Variants in TMC2 observed in about 807,000 individuals in gnomAD.
TMC2 encodes the protein transmembrane channel-like protein 2.
In TMC2, 102 loss-of-function variants were observed where a neutral mutation model predicts 105.9. The ratio of observed to expected loss-of-function variants is 0.96; its 90% CI spans 0.82 to 1.14. The LOEUF (loss-of-function observed/expected upper bound fraction) is 1.14, where lower values mean the gene tolerates loss of function less well. Among genes scored for constraint, TMC2 ranks in the 50% most tolerant of loss-of-function variants. The probability of loss-of-function intolerance (pLI) is 0.00; values close to 1 mark genes in which losing one functional copy is unlikely to be tolerated. For missense variants in TMC2, 1,093 were observed against 1,134.3 expected, an observed-to-expected ratio of 0.96 and a Z score of 0.52; for synonymous variants, 402 against 422.8, an observed-to-expected ratio of 0.95 and a Z score of 0.60.
intron 17 of TMC2, among the ~76,000 whole-genome samples, chr20:2,625,624 A>G (rs1019032900): frequency 6.6e-6 from 1 of 152,210 alleles, no homozygotes; most frequent in African/African-American, 2.4e-5. Flanking sequence ...TGAATAAGCC[A>G]CAGTTTATCC....
chr20:2,573,991 T>C (rs2086124496), intron 5 of TMC2, among the ~76,000 whole-genome samples: 1 of 152,220 alleles, frequency 6.6e-6, no homozygotes, highest in African/African-American at 2.4e-5. Context: ...CATCAATTGA[T>C]AATGGTGATC....
At chr20:2,565,726 G>A (rs887885051) in intron 4 of TMC2, among the ~76,000 whole-genome samples, 2 of 152,156 alleles carry the variant, frequency 1.3e-5, no homozygotes, top group Non-Finnish European at 2.9e-5. Context: ...CCTGAGCATG[G>A]TTACTGTAGA....
chr20:2,627,938 T>C (rs761485), intron 17 of TMC2, among the ~76,000 whole-genome samples: 120,388 of 152,050 alleles, frequency 0.79, 47,847 homozygotes, highest in East Asian at 0.87. Context: ...GAGGCCGAGG[T>C]GGGCAGATCA....
rs1361591399 is a variant in TMC2 at position 2,561,974 on chromosome 20, A to C, written c.518A>C (p.Lys173Thr). ...KKKLIATMRS[K>T]PWPMAKKLTE... is the part of the protein sequence containing the mutation. ...AAGCTCATTGCCACCATGCGGAGCA[A>C]GCCCTGGCCCATGGCGAAGAAGCTG... The change falls in exon 4 of 20, where the codon AAG (lysine) becomes ACG (threonine). Residue 173 changes from lysine (K) to threonine (T), a missense_variant. Lys to Thr is a moderately conservative substitution (Grantham distance 78, BLOSUM62 -1). Transcript: ENST00000358864. The C allele has an allele frequency of 6.2e-7, 1 of 1,614,220 alleles. No homozygotes were observed. The highest frequency in any genetic ancestry group is 8.5e-7 in the Non-Finnish European group (1 of 1,180,026).
chr20:2,599,709 T>C (rs535315344), intron 10 of TMC2, among the ~76,000 whole-genome samples: 19 of 152,230 alleles, frequency 1.2e-4, no homozygotes, highest in African/African-American at 4.6e-4. Context: ...CCCAAAGCAC[T>C]GGGATTACAG....
chr20:2,544,583 C>T (rs73892478), intron 2 of TMC2, among the ~76,000 whole-genome samples: 1,753 of 152,326 alleles, frequency 0.012, 32 homozygotes, highest in African/African-American at 0.041. Flanking sequence ...AAACAGCACA[C>T]ATTCCCCACC....
intron 14 of TMC2, among the ~76,000 whole-genome samples, chr20:2,614,602 T>C (rs2086466770): frequency 6.6e-6 from 1 of 151,502 alleles, no homozygotes. Context: ...AAAGAAAAAA[T>C]AAAAAGATGA....
chr20:2,538,217 C>A (rs868425618), intron 2 of TMC2, among the ~76,000 whole-genome samples: 1 of 152,142 alleles, frequency 6.6e-6, no homozygotes, highest in Non-Finnish European at 1.5e-5. Context: ...CGCTGTGTTA[C>A]AAGGGGAGAG....
At position 2,592,024 on chromosome 20, in the gene TMC2, C is replaced by A. The variant is rs2086272665; in HGVS notation, c.835-286C>A. Among the ~76,000 whole-genome samples, 1 of 152,098 alleles carries A rather than the reference C, an allele frequency of 6.6e-6. No homozygotes were observed. The highest frequency in any genetic ancestry group is 1.5e-5 in the Non-Finnish European group (1 of 68,006). ...CAAAACAGCCAGGCATGTTGGCAGG[C>A]ACCTGTAATCCCAGCTACTCGGGAG... On this transcript the variant is annotated intron_variant, in intron 7 of 19. Coordinates refer to ENST00000358864, the MANE Select transcript of TMC2 (RefSeq NM_080751.3). This position sits in a 1 kb window ranked among gnomAD's most constrained non-coding sequence, Gnocchi z 4.9.
chr20:2,631,795 A>G lies in TMC2; in HGVS notation c.2307-4131A>G, dbSNP rs2086605353. ...ATTTGTTGAGCTTCCTGTGTAAATT[A>G]ATATTTTTTCATCATATTTGGGGAT... On this transcript the variant is annotated intron_variant, in intron 17 of 19. Coordinates refer to ENST00000358864, the MANE Select transcript of TMC2 (RefSeq NM_080751.3). Among the ~76,000 whole-genome samples the G allele has an allele frequency of 2.6e-5, 4 of 151,700 alleles. No homozygotes were observed. The South Asian group carries it at 8.3e-4, about 32-fold the overall frequency.
rs775502946 is a variant in TMC2, at chr20:2,612,222, C to T, written c.1625C>T (p.Thr542Ile). The change falls in exon 13 of 20, where the codon ACT becomes ATT. Residue 542 changes from threonine to isoleucine, a missense_variant. Transcript: ENST00000358864. The stretch of plus-strand genomic sequence containing the variant: ...AATGAAGAGACAATAAAGAACATCA[C>T]TCACTGGACTCTGTTTAACTATTAC... ...LANEETIKNI[T>I]HWTLFNYYNS... 3.7e-6 allele frequency: 6 copies of T among 1,610,856 alleles called. No individual in the cohort carries two copies. In the Admixed American group the frequency reaches 6.7e-5, roughly 18 times the overall value.
At chr20:2,605,800 C>G (rs968112030) in intron 11 of TMC2, among the ~76,000 whole-genome samples, 1 of 152,218 alleles carries the variant, frequency 6.6e-6, no homozygotes, top group Non-Finnish European at 1.5e-5. Flanking sequence ...TGAACCTGAT[C>G]TAACCCTCCT....
intron 2 of TMC2, among the ~76,000 whole-genome samples, chr20:2,554,345 T>C (rs2085973971): frequency 6.6e-6 from 1 of 152,208 alleles, no homozygotes; most frequent in African/African-American, 2.4e-5. Flanking sequence ...TTGTTCTTGG[T>C]TAGCCTGGCT....
intron 4 of TMC2, among the ~76,000 whole-genome samples, chr20:2,571,938 C>T (rs2086106310): frequency 1.3e-5 from 2 of 152,302 alleles, no homozygotes; most frequent in African/African-American, 4.8e-5. Flanking sequence ...CACCACCAGA[C>T]GAAGGTCACA....
intron 2 of TMC2, among the ~76,000 whole-genome samples, chr20:2,541,993 G>A (rs559497244): frequency 1.9e-4 from 29 of 151,874 alleles, no homozygotes; most frequent in Non-Finnish European, 3.7e-4. Context: ...TGATATGTGA[G>A]TTCTTTCCAT....
intron 5 of TMC2, among the ~76,000 whole-genome samples, chr20:2,575,933 T>C (rs77887234): frequency 0.027 from 4,124 of 152,318 alleles, 171 homozygotes; most frequent in African/African-American, 0.091. Context: ...TCTTTTCAAA[T>C]TGATATCCTT....
Position 2,613,266 on chromosome 20 carries a change from G to C in TMC2, c.1816G>C (p.Ala606Pro). 1 of 1,614,104 alleles carries C rather than the reference G, an allele frequency of 6.2e-7. No individual in the cohort carries two copies. The highest frequency in any genetic ancestry group is 8.5e-7 in the Non-Finnish European group (1 of 1,180,004). ...CATCCTGCTGGGGGACTTCCTACGG[G>C]CTTGTTTTGTGCGGTTCATGAACTA... ...ITILLGDFLRACFVRFMNYCW... is the reference protein window; with the variant it reads ...ITILLGDFLRPCFVRFMNYCW... The change falls in exon 14 of 20, where the codon GCT becomes CCT. Residue 606 changes from alanine to proline, a missense_variant. Transcript: ENST00000358864.
Position 2,616,164 on chromosome 20 carries a change from G to C in TMC2, c.1900G>C (p.Gly634Arg). Reference protein sequence around the residue: ...FPSYAEFDISGNVLGLIFNQG... With the variant: ...FPSYAEFDISRNVLGLIFNQG... ...TTCATATGCTGAGTTTGATATTAGT[G>C]GAAATGTGCTGGGTTTGATCTTCAA... Residue 634 changes from glycine to arginine, a missense_variant, in exon 15 of 20, where the codon GGA (glycine) becomes CGA (arginine). Transcript: ENST00000358864. This position sits in a 1 kb window ranked among gnomAD's most constrained non-coding sequence, Gnocchi z 4.8. 6.2e-7 allele frequency: 1 copy of C among 1,613,356 alleles called. No homozygotes were observed. The highest frequency in any genetic ancestry group is 8.5e-7 in the Non-Finnish European group (1 of 1,179,584).
At chr20:2,622,136 G>C (rs1294937990) in intron 16 of TMC2, among the ~76,000 whole-genome samples, 1 of 152,172 alleles carries the variant, frequency 6.6e-6, no homozygotes, top group Non-Finnish European at 1.5e-5. Flanking sequence ...GGTGTGCTGG[G>C]CAACAGTTGT....
Sources: allele counts gnomAD v4.1 joint callset (sites outside exome capture counted in the v4.1 genomes callset), GRCh38; gene constraint gnomAD v4.1.1; non-coding constraint Gnocchi (gnomAD v3.1); transcripts MANE v1.5; gene names NCBI Gene and HGNC (gene_info 2026-07-23, HGNC 2026-07-21).